NR5A1: variants seen among roughly 807,000 people sequenced by gnomAD.
The protein encoded by NR5A1 is nuclear receptor subfamily 5 group A member 1.
Under a neutral mutation model 42.7 loss-of-function variants are expected in NR5A1, and 6 were observed. The observed-to-expected ratio is 0.14, with a 90% confidence interval of 0.08 to 0.28. The LOEUF is 0.28. Among genes scored for constraint, NR5A1 ranks in the 10% least tolerant of loss-of-function variants. NR5A1 has a pLI of 1.00. For synonymous variants in NR5A1, 274 were observed against 277.5 expected, an observed-to-expected ratio of 0.99 and a Z score of 0.12; for missense variants, 442 against 626.4, an observed-to-expected ratio of 0.71 and a Z score of 3.14.
chr9:124,491,351 CAGGAG>C (rs1832306284), intron 5 of NR5A1, 123 bp from the exon 6 acceptor site: 6 of 734,714 alleles, frequency 8.2e-6, no homozygotes, highest in Non-Finnish European at 1.3e-5. Context: ...GGGCTGGCGT[CAGGAG>C]GGCCCAGCCT....
In NR5A1 at chr9:124,503,027, C is replaced by T; in HGVS notation, c.244+52G>A. ...TCAGCCCCTCTCCCACCCCCACCCC[C>T]TACCCCCTCAGGCTGTGGGGGGTCA... On this transcript the variant is annotated intron_variant, in intron 3 of 6. Coordinates refer to ENST00000373588, the MANE Select transcript of NR5A1 (RefSeq NM_004959.5). The surrounding 1 kb of genome is among the most constrained non-coding windows in gnomAD (Gnocchi z 9.6). 3.3e-6 allele frequency: 5 copies of T among 1,533,542 alleles called. No individual in the cohort carries two copies. In the South Asian group the frequency reaches 3.6e-5, roughly 11 times the overall value. 95.0% of individuals were successfully genotyped at this position (1,533,542 alleles called of 1,614,324 possible).
In NR5A1 at chr9:124,503,223, G is replaced by GCGGGA. The variant is rs1244497855; in HGVS notation, c.103-8_103-4dup. ...TGCACCGTGCGCTTGAAGAAGCCCT[G>GCGGGA]CGGGAGCTGAGAGTCAGCGAGGCCC... On this transcript the variant is annotated splice_polypyrimidine_tract_variant and splice_region_variant and intron_variant, in intron 2 of 6. Transcript: ENST00000373588. The surrounding 1 kb of genome is among the most constrained non-coding windows in gnomAD (Gnocchi z 9.6). The GCGGGA allele has an allele frequency of 6.2e-7, 1 of 1,604,384 alleles. No homozygotes were observed. The highest frequency in any genetic ancestry group is 1.1e-5 in the South Asian group (1 of 89,464).
intron 6 of NR5A1, among the ~76,000 whole-genome samples, chr9:124,484,753 CTAAA>C (rs56282643): frequency 0.49 from 72,826 of 148,390 alleles, 18,017 homozygotes; most frequent in East Asian, 0.53. Flanking sequence ...GACTCTGTCT[CTAAA>C]TAAATAAATA....
rs1038510414 is a variant in NR5A1 at position 124,482,271 on chromosome 9, G to T, written c.*487C>A. On this transcript the variant is annotated 3_prime_UTR_variant, in exon 7 of 7. Transcript: ENST00000373588. The stretch of plus-strand genomic sequence containing the variant: ...GTTATCCTTAGTTTACAAAACAGAG[G>T]CTCTCCCTCCTGGTCTCTATGGGGG... 4.6e-6 allele frequency: 1 copy of T among 216,536 alleles called. No individual in the cohort carries two copies. Among genetic ancestry groups the T allele is most frequent in the African/African-American group, 2.3e-5 (1 of 43,452 alleles). The allele number at this position is 216,536 out of a possible 1,614,324, so 13.4% of individuals were successfully genotyped here.
Position 124,503,071 on chromosome 9 carries a change from GC to G in NR5A1, c.244+7del, listed in dbSNP as rs1309546331. 1 of 1,567,456 alleles carries G rather than the reference GC, an allele frequency of 6.4e-7. No individual in the cohort carries two copies. On this transcript the variant is annotated splice_region_variant and intron_variant, in intron 3 of 6. Transcript: ENST00000373588. The surrounding 1 kb of genome is among the most constrained non-coding windows in gnomAD (Gnocchi z 9.6). ...GGGGTCAGGGGTCGAGGCCCGCGCG[GC>G]GCGCACCTTCCAGGCGCATCCCCAC...
In NR5A1 at chr9:124,489,178, T is replaced by A. The variant is rs137901423; in HGVS notation, c.1138+1903A>T. ...GGGGCCAAGACAATGTCCCTGCCCT[T>A]CAGGGGACACCCAAGGACAGACAGA... is the stretch of plus-strand genomic sequence containing the variant. On this transcript the variant is annotated intron_variant, in intron 6 of 6. Coordinates refer to ENST00000373588, the MANE Select transcript of NR5A1 (RefSeq NM_004959.5). Among the ~76,000 whole-genome samples the A allele has an allele frequency of 7.7e-3, 1,170 of 152,312 alleles. 9 individuals are homozygous for A. Among genetic ancestry groups the A allele is most frequent in the South Asian group, 0.023 (112 of 4,830 alleles).
chr9:124,491,269 G>T, intron 5 of NR5A1, 41 bp from the exon 6 acceptor site: 1 of 1,529,958 alleles, frequency 6.5e-7, no homozygotes, highest in East Asian at 2.3e-5. Flanking sequence ...GTCAGAGGAC[G>T]TGGGTCCGGG....
intron 4 of NR5A1, among the ~76,000 whole-genome samples, chr9:124,493,615 C>T (rs1379314424): frequency 6.6e-6 from 1 of 152,236 alleles, no homozygotes; most frequent in African/African-American, 2.4e-5. Flanking sequence ...CCTCTGGCAG[C>T]CCCAACTGCT....
chr9:124,483,964 C>A (rs1235846903), intron 6 of NR5A1, among the ~76,000 whole-genome samples: 1 of 152,200 alleles, frequency 6.6e-6, no homozygotes, highest in Non-Finnish European at 1.5e-5. Flanking sequence ...CTATCGCAAG[C>A]TGAAAATATC....
intron 1 of NR5A1, among the ~76,000 whole-genome samples, chr9:124,504,700 A>C (rs1230099514): frequency 1.3e-5 from 2 of 148,570 alleles, no homozygotes; most frequent in Non-Finnish European, 3.0e-5. Context: ...TCCTGCGAGC[A>C]GCGCCCCGCG....
At position 124,493,152 on chromosome 9, in the gene NR5A1, G is replaced by A; in HGVS notation, c.871-3C>T. 6.2e-7 allele frequency: 1 copy of A among 1,610,478 alleles called. No homozygotes were observed. Among genetic ancestry groups the A allele is most frequent in the African/African-American group, 1.3e-5 (1 of 75,032 alleles). ...AGCAGCGTCATCTGGTCGGCCACCT[G>A]GAAGGAAGAGGCACGCGGGGGGCCG... On this transcript the variant is annotated splice_region_variant and splice_polypyrimidine_tract_variant and intron_variant, in intron 4 of 6. Coordinates refer to ENST00000373588, the MANE Select transcript of NR5A1 (RefSeq NM_004959.5).
At chr9:124,505,125 T>C (rs1252201072) in intron 1 of NR5A1, among the ~76,000 whole-genome samples, 1 of 151,814 alleles carries the variant, frequency 6.6e-6, no homozygotes, top group African/African-American at 2.4e-5. Context: ...TTCGCCCTCA[T>C]CCTCCAGGCC....
chr9:124,485,397 C>T (rs1788952272), intron 6 of NR5A1, among the ~76,000 whole-genome samples: 1 of 152,286 alleles, frequency 6.6e-6, no homozygotes, highest in East Asian at 1.9e-4. Context: ...ACCAGGAGAG[C>T]GCCACGCTCC....
rs367957279 is a variant in NR5A1, at chr9:124,482,741, C to T, written c.*17G>A. ...CCCAGTCCCGCCCCCAGTCCCGGCC[C>T]CGCCCCCGGCCCAGGCTCAAGTCTG... On this transcript the variant is annotated 3_prime_UTR_variant, in exon 7 of 7. Transcript: ENST00000373588. The T allele has an allele frequency of 1.3e-6, 2 of 1,487,828 alleles. No homozygotes were observed. Among genetic ancestry groups the T allele is most frequent in the East Asian group, 5.2e-5 (2 of 38,338 alleles). The allele number at this position is 1,487,828 out of a possible 1,614,324, so 92.2% of individuals were successfully genotyped here. A position where few individuals can be genotyped will look rare whatever the true frequency, so the allele number is the denominator to read the frequency against.
chr9:124,485,746 C>T (rs943833987), intron 6 of NR5A1, among the ~76,000 whole-genome samples: 2 of 152,242 alleles, frequency 1.3e-5, no homozygotes, highest in Non-Finnish European at 2.9e-5. Flanking sequence ...TGGAACAGCC[C>T]TACTCCCTAG....
rs1832470824 is a variant in NR5A1 at position 124,501,497 on chromosome 9, C to T, written c.245-782G>A. On this transcript the variant is annotated intron_variant, in intron 3 of 6. Transcript: ENST00000373588. The surrounding 1 kb of genome is among the most constrained non-coding windows in gnomAD (Gnocchi z 4.1). Reference sequence around the variant, plus strand: ...ATCTCTGCAGCTGGAGTGTGCCCCCCGCCCCTGCTCAGACAGGGCCCCACC... The same window carrying T: ...ATCTCTGCAGCTGGAGTGTGCCCCCTGCCCCTGCTCAGACAGGGCCCCACC... 6.6e-6 allele frequency among the ~76,000 whole-genome samples: 1 copy of T among 152,180 alleles called. No individual in the cohort carries two copies. Among genetic ancestry groups the T allele is most frequent in the Non-Finnish European group, 1.5e-5 (1 of 68,024 alleles).
rs139857580 is a variant in NR5A1, at chr9:124,497,102, C to T, written c.870+2988G>A. On this transcript the variant is annotated intron_variant, in intron 4 of 6. Transcript: ENST00000373588. ...GCCAAGGCCTGCATAAGCCTGCAGGCGTCGATTAAACAGTGTAGCTAAGGG... is the reference window on the plus strand; with the variant it reads ...GCCAAGGCCTGCATAAGCCTGCAGGTGTCGATTAAACAGTGTAGCTAAGGG... 1.9e-3 allele frequency among the ~76,000 whole-genome samples: 290 copies of T among 152,308 alleles called. 1 individual carries two copies. The highest frequency in any genetic ancestry group is 6.6e-3 in the African/African-American group (276 of 41,562).
At chr9:124,484,192 A>G (rs770033713) in intron 6 of NR5A1, among the ~76,000 whole-genome samples, 4 of 152,190 alleles carry the variant, frequency 2.6e-5, no homozygotes, top group Non-Finnish European at 5.9e-5. Flanking sequence ...CTTTCTGCGG[A>G]ATGCATGTTT....
At chr9:124,506,264 A>G (rs1385940313) in intron 1 of NR5A1, among the ~76,000 whole-genome samples, 3 of 152,254 alleles carry the variant, frequency 2.0e-5, no homozygotes, top group Admixed American at 6.5e-5. Flanking sequence ...CTCCGAGCAT[A>G]AAGTGGAACA....
Sources: allele counts gnomAD v4.1 joint callset (sites outside exome capture counted in the v4.1 genomes callset), GRCh38; gene constraint gnomAD v4.1.1; non-coding constraint Gnocchi (gnomAD v3.1); transcripts MANE v1.5; gene names NCBI Gene and HGNC (gene_info 2026-07-23, HGNC 2026-07-21).